RFX3: variants seen among roughly 807,000 people sequenced by gnomAD.
The protein encoded by RFX3 is regulatory factor X3.
RFX3 carries 14 observed loss-of-function variants against 98.6 expected under a neutral mutation model. That is an observed-to-expected ratio of 0.14 (90% confidence interval 0.09 to 0.22). RFX3 has a LOEUF of 0.22. RFX3 is among the 10% of genes least tolerant of loss of function. The probability of loss-of-function intolerance (pLI) is 1.00; values close to 1 mark genes in which losing one functional copy is unlikely to be tolerated. For synonymous variants in RFX3, 383 were observed against 328.4 expected (o/e 1.17, Z -1.80); for missense variants, 639 against 926.9 (o/e 0.69, Z 4.03).
chr9:3,451,827 T>G (rs1270905840), intron 1 of RFX3, among the ~76,000 whole-genome samples: 2 of 151,880 alleles, frequency 1.3e-5, no homozygotes, highest in African/African-American at 4.9e-5. Context: ...AAGATGTATT[T>G]TAAAAGTTTT....
In RFX3 at chr9:3,435,802, T is replaced by TAAAAA. The variant is rs34925429; in HGVS notation, c.-8-40211_-8-40207dup. 6.4e-3 allele frequency among the ~76,000 whole-genome samples: 621 copies of TAAAAA among 97,594 alleles called. 7 individuals carry two copies. The highest frequency in any genetic ancestry group is 6.3e-3 in the Non-Finnish European group (304 of 47,932). 64.0% of individuals were successfully genotyped at this position (97,594 alleles called of 152,430 possible). ...TTATACTTAAGAAGCATCTGCATTG[T>TAAAAA]AAAAAAAAAAAAAAAAAAAAAAAGG... On this transcript the variant is annotated intron_variant, in intron 1 of 16. Coordinates refer to ENST00000617270, the MANE Select transcript of RFX3 (RefSeq NM_001282116.2).
At chr9:3,400,420 A>G (rs1841361259) in intron 1 of RFX3, among the ~76,000 whole-genome samples, 1 of 152,222 alleles carries the variant, frequency 6.6e-6, no homozygotes, top group Admixed American at 6.5e-5. Flanking sequence ...TGTTACATAA[A>G]GCCTAGTCCT....
chr9:3,344,930 A>ATG, intron 3 of RFX3: 1 of 682,362 alleles, frequency 1.5e-6, no homozygotes, highest in Admixed American at 2.4e-5. Context: ...TGTCTAAAAT[A>ATG]TGTAAAGAGG....
At chr9:3,509,927 A>T (rs1424614887) in intron 1 of RFX3, among the ~76,000 whole-genome samples, 1 of 151,980 alleles carries the variant, frequency 6.6e-6, no homozygotes, top group East Asian at 1.9e-4. Context: ...CTTACCTATA[A>T]GAAGTGGGGA....
At chr9:3,435,768 T>C (rs1845066784) in intron 1 of RFX3, among the ~76,000 whole-genome samples, 1 of 150,186 alleles carries the variant, frequency 6.7e-6, no homozygotes, top group South Asian at 2.1e-4. Context: ...AGAATTTCTT[T>C]TGATATCCTT....
chr9:3,272,355 A>C (rs1824607207), intron 9 of RFX3, among the ~76,000 whole-genome samples: 1 of 152,236 alleles, frequency 6.6e-6, no homozygotes, highest in Non-Finnish European at 1.5e-5. Context: ...AGGCAAAAAC[A>C]ACAAACCATA....
intron 1 of RFX3, among the ~76,000 whole-genome samples, chr9:3,493,882 T>C (rs1203035989): frequency 6.6e-6 from 1 of 151,826 alleles, no homozygotes; most frequent in Non-Finnish European, 1.5e-5. Context: ...TGCCATTGTA[T>C]GCTTAACCTC....
chr9:3,356,932 C>A (rs1444166340), intron 2 of RFX3, among the ~76,000 whole-genome samples: 1 of 146,838 alleles, frequency 6.8e-6, no homozygotes, highest in East Asian at 1.9e-4. Flanking sequence ...AACGTCCATT[C>A]ATGATTAAAC....
intron 1 of RFX3, among the ~76,000 whole-genome samples, chr9:3,458,690 G>C (rs1847410581): frequency 6.6e-6 from 1 of 152,180 alleles, no homozygotes; most frequent in Non-Finnish European, 1.5e-5. Flanking sequence ...AAAGAATACA[G>C]TCCTGTAGTT....
chr9:3,348,338 C>T (rs1834687933), intron 2 of RFX3, among the ~76,000 whole-genome samples: 1 of 152,050 alleles, frequency 6.6e-6, no homozygotes, highest in South Asian at 2.1e-4. Context: ...CTGGCTGTCC[C>T]TCTGCAATGT....
chr9:3,300,102 C>A (rs938004104), intron 5 of RFX3, among the ~76,000 whole-genome samples: 1 of 151,244 alleles, frequency 6.6e-6, no homozygotes, highest in African/African-American at 2.4e-5. Context: ...TAATCATCAC[C>A]CCCCGGACAC....
chr9:3,253,772 G>A (rs1821745378), intron 14 of RFX3, among the ~76,000 whole-genome samples: 1 of 152,088 alleles, frequency 6.6e-6, no homozygotes, highest in South Asian at 2.1e-4. Flanking sequence ...GCCTGTGTAT[G>A]TGACTGCCAA....
chr9:3,350,768 G>T (rs1478914517), intron 2 of RFX3, among the ~76,000 whole-genome samples: 1 of 152,006 alleles, frequency 6.6e-6, no homozygotes, highest in African/African-American at 2.4e-5. Flanking sequence ...GCAGTGAAAA[G>T]AAATGAACTA....
chr9:3,228,700 A>G (rs643429), intron 16 of RFX3, 147 bp downstream of exon 16: 7 of 565,898 alleles, frequency 1.2e-5, no homozygotes, highest in Non-Finnish European at 1.8e-5. Context: ...TGGAGAAATA[A>G]TGAAAAGACA....
intron 1 of RFX3, among the ~76,000 whole-genome samples, chr9:3,506,357 C>G (rs551206931): frequency 2.0e-5 from 3 of 151,790 alleles, no homozygotes; most frequent in Non-Finnish European, 4.4e-5. Context: ...CATTCTGATA[C>G]TACTGGTTGC....
At chr9:3,482,513 G>A (rs908456512) in intron 1 of RFX3, among the ~76,000 whole-genome samples, 20 of 152,098 alleles carry the variant, frequency 1.3e-4, no homozygotes, top group Non-Finnish European at 2.8e-4. Context: ...TAATAAAATT[G>A]TTTTCACTTA....
chr9:3,377,662 G>A (rs980186368), intron 2 of RFX3, among the ~76,000 whole-genome samples: 4 of 152,144 alleles, frequency 2.6e-5, no homozygotes, highest in Admixed American at 6.6e-5. Flanking sequence ...AATATAAAGC[G>A]ATCTAAATAA....
At chr9:3,433,844 T>C (rs1211481467) in intron 1 of RFX3, among the ~76,000 whole-genome samples, 1 of 152,160 alleles carries the variant, frequency 6.6e-6, no homozygotes, top group Admixed American at 6.6e-5. Context: ...AGAGTCCCTG[T>C]CACAGCTACT....
intron 1 of RFX3, among the ~76,000 whole-genome samples, chr9:3,451,501 G>A (rs994454853): frequency 2.6e-5 from 4 of 152,124 alleles, no homozygotes; most frequent in Non-Finnish European, 5.9e-5. Context: ...CTACGATTAC[G>A]CCACTGCACT....
Sources: gnomAD v4.1 joint callset for allele counts (sites outside exome capture counted in the v4.1 genomes callset) on GRCh38, gnomAD v4.1.1 for gene constraint, MANE v1.5 for transcripts, NCBI Gene and HGNC (gene_info 2026-07-23, HGNC 2026-07-21) for gene names.